BBX: variants seen among roughly 807,000 people sequenced by gnomAD.
BBX encodes BBX high mobility group box domain containing.
A neutral mutation model predicts 100.2 loss-of-function variants in BBX; 30 were observed. The ratio of observed to expected loss-of-function variants is 0.30; its 90% CI spans 0.22 to 0.41. The LOEUF (loss-of-function observed/expected upper bound fraction) is 0.41, where lower values mean the gene tolerates loss of function less well. Ranked by LOEUF, BBX falls within the 10% of genes least tolerant of loss-of-function variation. The pLI, the probability that BBX is intolerant of heterozygous loss-of-function variation, is 1.00. For synonymous variants in BBX, 376 were observed against 388.1 expected (o/e 0.97, Z 0.37); for missense variants, 1,023 against 1,129.8 (o/e 0.91, Z 1.35).
chr3:107,746,537 A>G (rs1356484220), intron 8 of BBX, among the ~76,000 whole-genome samples: 1 of 152,222 alleles, frequency 6.6e-6, no homozygotes, highest in East Asian at 1.9e-4. Context: ...AATCCTTATC[A>G]GATTAAAAAG....
At chr3:107,616,288 T>A (rs1284676988) in intron 2 of BBX, among the ~76,000 whole-genome samples, 1 of 151,944 alleles carries the variant, frequency 6.6e-6, no homozygotes, top group Non-Finnish European at 1.5e-5. Context: ...TGCAAATATT[T>A]CAAAATGAAA....
chr3:107,801,191 C>A lies in BBX; in HGVS notation c.2648C>A (p.Thr883Lys). The A allele has an allele frequency of 6.2e-7, 1 of 1,614,188 alleles. No individual in the cohort carries two copies. Among genetic ancestry groups the A allele is most frequent in the Non-Finnish European group, 8.5e-7 (1 of 1,180,030 alleles). The change falls in exon 17 of 18, where the codon ACG (threonine) becomes AAG (lysine). Residue 883 changes from threonine to lysine, a missense_variant. This residue lies in a region of BBX where 104 missense variants were observed against 132.2 expected (regional missense o/e 0.79). Coordinates refer to ENST00000325805, the MANE Select transcript of BBX (RefSeq NM_001142568.3). ...KCSHNTEVGETRSSTPEMPAV... is the reference protein window; with the variant it reads ...KCSHNTEVGEKRSSTPEMPAV... ...TCACACAACACCGAGGTCGGGGAGA[C>A]GCGGAGCAGTACTCCAGAAATGCCT...
rs33924823 is a variant in BBX, at chr3:107,690,882, G to GCC, written c.-9-19561_-9-19560dup. Among the ~76,000 whole-genome samples the GCC allele has an allele frequency of 2.1e-3, 178 of 85,614 alleles. 12 individuals carry two copies. Among genetic ancestry groups the GCC allele is most frequent in the South Asian group, 4.1e-3 (9 of 2,172 alleles). 56.2% of individuals were successfully genotyped at this position (85,614 alleles called of 152,430 possible). A position where few individuals can be genotyped will look rare whatever the true frequency, so the allele number is the denominator to read the frequency against. On this transcript the variant is annotated intron_variant, in intron 3 of 17. Coordinates refer to ENST00000325805, the MANE Select transcript of BBX (RefSeq NM_001142568.3). Reference sequence around the variant, plus strand: ...CAGTTCTTTATGTTCTCACTTTGATGCCCCCCCCCCTTTTTTTTTTTTTTT... The same window carrying GCC: ...CAGTTCTTTATGTTCTCACTTTGATGCCCCCCCCCCCCTTTTTTTTTTTTTTT...
chr3:107,542,128 A>T lies in BBX; in HGVS notation c.-84+15730A>T, dbSNP rs191968806. 4.6e-5 allele frequency among the ~76,000 whole-genome samples: 7 copies of T among 152,340 alleles called. No homozygotes were observed. In the East Asian group the frequency reaches 1.2e-3, roughly 25 times the overall value. On this transcript the variant is annotated intron_variant, in intron 2 of 17. Coordinates refer to ENST00000325805, the MANE Select transcript of BBX (RefSeq NM_001142568.3). The stretch of plus-strand genomic sequence containing the variant: ...TATTTCAGGATCAATTATTCAATTA[A>T]TATTTTATATAATAGAAAGGTTTTA...
chr3:107,679,689 G>C lies in BBX; in HGVS notation c.-9-30763G>C, dbSNP rs1295820268. Among the ~76,000 whole-genome samples, 8 of 152,218 alleles carry C rather than the reference G, an allele frequency of 5.3e-5. No individual in the cohort carries two copies. The East Asian group carries it at 1.5e-3, about 29-fold the overall frequency. On this transcript the variant is annotated intron_variant, in intron 3 of 17. Coordinates refer to ENST00000325805, the MANE Select transcript of BBX (RefSeq NM_001142568.3). ...TTATAAAATGGAAAAAATAAAACAT[G>C]AACAAACAGAACCAGAAAGGGATTA...
intron 2 of BBX, among the ~76,000 whole-genome samples, chr3:107,643,513 C>T (rs1053743596): frequency 4.6e-5 from 7 of 152,048 alleles, no homozygotes; most frequent in Non-Finnish European, 8.8e-5. Flanking sequence ...GAAGCCAAGG[C>T]TCTGTGGGGG....
intron 2 of BBX, among the ~76,000 whole-genome samples, chr3:107,609,074 A>G (rs1363848756): frequency 6.6e-6 from 1 of 152,138 alleles, no homozygotes; most frequent in African/African-American, 2.4e-5. Flanking sequence ...TGATTGCTCT[A>G]GCTAGGACTT....
At chr3:107,719,283 T>A (rs1019467103) in intron 5 of BBX, among the ~76,000 whole-genome samples, 1 of 152,004 alleles carries the variant, frequency 6.6e-6, no homozygotes, top group Admixed American at 6.6e-5. Flanking sequence ...TTCAGCATAG[T>A]GTGTGGATGT....
chr3:107,587,652 G>A (rs1033324355), intron 2 of BBX, among the ~76,000 whole-genome samples: 3 of 152,094 alleles, frequency 2.0e-5, no homozygotes, highest in Non-Finnish European at 4.4e-5. Flanking sequence ...GCAAATAGTC[G>A]GGATCGTGAC....
intron 2 of BBX, 100 bp from the exon 3 acceptor site, chr3:107,645,736 T>A (rs2057478635): frequency 6.6e-6 from 1 of 152,596 alleles, no homozygotes; most frequent in South Asian, 2.1e-4. Flanking sequence ...TAATTCATTT[T>A]ATTTGGAGAT....
intron 2 of BBX, among the ~76,000 whole-genome samples, chr3:107,591,434 C>T (rs1559849102): frequency 1.3e-5 from 2 of 152,158 alleles, no homozygotes; most frequent in Non-Finnish European, 1.5e-5. Context: ...GATCTATAAA[C>T]AGTCAGTAAA....
intron 2 of BBX, among the ~76,000 whole-genome samples, chr3:107,572,214 C>A (rs144423209): frequency 4.6e-5 from 7 of 152,290 alleles, no homozygotes; most frequent in African/African-American, 1.7e-4. Context: ...ATCGGACACT[C>A]ATTGTCTCTT....
At chr3:107,557,704 A>G (rs555125923) in intron 2 of BBX, among the ~76,000 whole-genome samples, 1 of 152,332 alleles carries the variant, frequency 6.6e-6, no homozygotes, top group South Asian at 2.1e-4. Flanking sequence ...CTTTTCCTCC[A>G]GAATCTTTCA....
intron 2 of BBX, among the ~76,000 whole-genome samples, chr3:107,605,599 C>G (rs2107636215): frequency 6.6e-6 from 1 of 152,256 alleles, no homozygotes; most frequent in African/African-American, 2.4e-5. Flanking sequence ...CCTTCCTTCT[C>G]CTACCACCCT....
At chr3:107,562,675 T>C (rs2050592847) in intron 2 of BBX, among the ~76,000 whole-genome samples, 1 of 152,168 alleles carries the variant, frequency 6.6e-6, no homozygotes, top group African/African-American at 2.4e-5. Flanking sequence ...CTTACAAAAC[T>C]GTTTTTTTTA....
intron 2 of BBX, among the ~76,000 whole-genome samples, chr3:107,532,241 A>G (rs774289793): frequency 6.6e-6 from 1 of 152,082 alleles, no homozygotes; most frequent in Non-Finnish European, 1.5e-5. Flanking sequence ...TACATATGGG[A>G]CATTATGATT....
At chr3:107,764,694 A>G (rs2066229647) in intron 10 of BBX, among the ~76,000 whole-genome samples, 2 of 152,250 alleles carry the variant, frequency 1.3e-5, no homozygotes. Context: ...TATTAGAAGA[A>G]TAAATTGTCA....
At chr3:107,765,738 G>T (rs2066337905) in intron 10 of BBX, among the ~76,000 whole-genome samples, 1 of 152,128 alleles carries the variant, frequency 6.6e-6, no homozygotes, top group South Asian at 2.1e-4. Context: ...CTTCCACCTG[G>T]GTTCCTCCAG....
chr3:107,716,492 G>A, intron 4 of BBX, 115 bp from the exon 5 acceptor site: 1 of 1,264,038 alleles, frequency 7.9e-7, no homozygotes, highest in Non-Finnish European at 1.1e-6. Context: ...TTTTCAATGT[G>A]TAAGTTGTTT....
Sources: gnomAD v4.1 joint callset for allele counts (sites outside exome capture counted in the v4.1 genomes callset) on GRCh38, gnomAD v4.1.1 for gene constraint, gnomAD v4.1.1 regional missense constraint, MANE v1.5 for transcripts, NCBI Gene and HGNC (gene_info 2026-07-23, HGNC 2026-07-21) for gene names.